CACNB4: variants seen among roughly 807,000 people sequenced by gnomAD.
The protein encoded by CACNB4 is voltage-dependent L-type calcium channel subunit beta-4.
In CACNB4, 32 loss-of-function variants were observed where a neutral mutation model predicts 71.2. The ratio of observed to expected loss-of-function variants is 0.45; its 90% CI spans 0.34 to 0.60. The LOEUF is 0.60. Among genes scored for constraint, CACNB4 ranks in the 20% least tolerant of loss-of-function variants. CACNB4 has a pLI of 0.01. For synonymous variants in CACNB4, 231 were observed against 236.9 expected (o/e 0.97, Z 0.23); for missense variants, 464 against 647.9 (o/e 0.72, Z 3.08).
At chr2:152,004,243 T>A (rs892889381) in intron 2 of CACNB4, among the ~76,000 whole-genome samples, 1 of 152,248 alleles carries the variant, frequency 6.6e-6, no homozygotes. Flanking sequence ...TTTATTTCCC[T>A]CTGAATGAAC....
intron 9 of CACNB4, chr2:151,866,664 CCTT>C (rs2099843214): frequency 6.6e-6 from 1 of 152,218 alleles, no homozygotes; most frequent in Non-Finnish European, 1.5e-5. Context: ...CCAAGGAACT[CCTT>C]ATTGTTCATT....
At chr2:152,041,411 G>T (rs1684867040) in intron 2 of CACNB4, among the ~76,000 whole-genome samples, 1 of 152,140 alleles carries the variant, frequency 6.6e-6, no homozygotes, top group Non-Finnish European at 1.5e-5. Flanking sequence ...CTGTAATGGG[G>T]GCTATAAATT....
chr2:152,020,173 TAAG>T (rs1683574380), intron 2 of CACNB4, among the ~76,000 whole-genome samples: 1 of 152,214 alleles, frequency 6.6e-6, no homozygotes. Context: ...CTTTGCAGAC[TAAG>T]AAGTACCCAA....
intron 2 of CACNB4, among the ~76,000 whole-genome samples, chr2:152,070,029 G>C (rs145945176): frequency 6.6e-6 from 1 of 151,772 alleles, no homozygotes; most frequent in Non-Finnish European, 1.5e-5. Flanking sequence ...ATTTTTATTA[G>C]AGACAGGGTT....
chr2:151,875,989 C>T (rs2099846112), intron 5 of CACNB4, among the ~76,000 whole-genome samples: 1 of 146,594 alleles, frequency 6.8e-6, no homozygotes, highest in Non-Finnish European at 1.5e-5. Context: ...CCCCCACCTC[C>T]CTCCCGGACG....
Position 152,098,579 on chromosome 2 carries a change from C to CCCCCCCAACAA in CACNB4, c.64-167_64-166insTTGTTGGGGGG. The stretch of plus-strand genomic sequence containing the variant: ...CCCAAATACAGCCCCCACCCCCACC[C>CCCCCCCAACAA]ACCCACTGCAAGCCTCGACTGCTGA... On this transcript the variant is annotated intron_variant, in intron 1 of 13. Transcript: ENST00000539935. The surrounding 1 kb of genome is among the most constrained non-coding windows in gnomAD (Gnocchi z 5.3). 5 of 943,710 alleles carry CCCCCCCAACAA rather than the reference C, an allele frequency of 5.3e-6. No individual in the cohort carries two copies. Among genetic ancestry groups the CCCCCCCAACAA allele is most frequent in the Non-Finnish European group, 8.5e-6 (5 of 591,324 alleles). The allele number at this position is 943,710 out of a possible 1,614,324, so 58.5% of individuals were successfully genotyped here.
At chr2:151,989,592 C>T (rs1681572138) in intron 2 of CACNB4, among the ~76,000 whole-genome samples, 1 of 152,164 alleles carries the variant, frequency 6.6e-6, no homozygotes, top group South Asian at 2.1e-4. Context: ...CACCCTCTGG[C>T]CACCTCTCAA....
intron 2 of CACNB4, among the ~76,000 whole-genome samples, chr2:151,923,108 G>A (rs575610123): frequency 6.6e-6 from 1 of 152,354 alleles, no homozygotes; most frequent in East Asian, 1.9e-4. Context: ...GAAATGGAGA[G>A]CACATGAAAG....
At chr2:151,988,900 T>C (rs1681527593) in intron 2 of CACNB4, among the ~76,000 whole-genome samples, 1 of 152,124 alleles carries the variant, frequency 6.6e-6, no homozygotes, top group African/African-American at 2.4e-5. Flanking sequence ...CCCTTCCATA[T>C]CTATTATGAG....
At chr2:151,918,162 T>G (rs1249835271) in intron 2 of CACNB4, among the ~76,000 whole-genome samples, 2 of 152,198 alleles carry the variant, frequency 1.3e-5, no homozygotes, top group African/African-American at 2.4e-5. Flanking sequence ...TATGAAGGCA[T>G]TGCCCATGCT....
intron 2 of CACNB4, among the ~76,000 whole-genome samples, chr2:151,961,869 G>A (rs1236561403): frequency 6.6e-6 from 1 of 150,388 alleles, no homozygotes; most frequent in African/African-American, 2.5e-5. Context: ...TCCAGACTGG[G>A]CAACAGAGGA....
chr2:151,955,674 G>A (rs938116678), intron 2 of CACNB4, among the ~76,000 whole-genome samples: 4 of 152,058 alleles, frequency 2.6e-5, no homozygotes, highest in Admixed American at 2.6e-4. Flanking sequence ...GGGAGGCTGA[G>A]GTGGGAGGCT....
chr2:152,097,710 A>G (rs1688348853), intron 2 of CACNB4, among the ~76,000 whole-genome samples: 1 of 152,218 alleles, frequency 6.6e-6, no homozygotes, highest in Admixed American at 6.5e-5. Flanking sequence ...CACGAAGTGA[A>G]GGCGCACCCA....
chr2:151,950,106 G>C (rs947045210), intron 2 of CACNB4, among the ~76,000 whole-genome samples: 2 of 151,870 alleles, frequency 1.3e-5, no homozygotes, highest in Non-Finnish European at 2.9e-5. Context: ...ACCACCCCAA[G>C]AGAAGGACTG....
chr2:152,076,948 G>A (rs1687062827), intron 2 of CACNB4, among the ~76,000 whole-genome samples: 2 of 152,242 alleles, frequency 1.3e-5, no homozygotes, highest in South Asian at 4.1e-4. Flanking sequence ...GTGACAGAGA[G>A]TAAGCAGGGA....
At position 152,056,223 on chromosome 2, in the gene CACNB4, A is replaced by T. The variant is rs921442352; in HGVS notation, c.147+42107T>A. 2.6e-5 allele frequency among the ~76,000 whole-genome samples: 4 copies of T among 151,910 alleles called. No individual in the cohort carries two copies. In the East Asian group the frequency reaches 7.7e-4, roughly 29 times the overall value. On this transcript the variant is annotated intron_variant, in intron 2 of 13. Transcript: ENST00000539935. ...TAAAAATACAAAAAATTAGCCAGGC[A>T]TGGTGGCAGGGCCTGTAGTCCCAGC...
chr2:151,996,333 T>C (rs1276138623), intron 2 of CACNB4, among the ~76,000 whole-genome samples: 2 of 152,192 alleles, frequency 1.3e-5, no homozygotes, highest in Non-Finnish European at 2.9e-5. Flanking sequence ...ATATACTGCT[T>C]AGACAACCAA....
At chr2:151,948,451 G>T (rs919418116) in intron 2 of CACNB4, among the ~76,000 whole-genome samples, 15 of 152,236 alleles carry the variant, frequency 9.9e-5, no homozygotes, top group African/African-American at 3.6e-4. Flanking sequence ...GTTGAGCCCA[G>T]GAGTTTGAGA....
intron 2 of CACNB4, among the ~76,000 whole-genome samples, chr2:151,984,088 G>A (rs993798413): frequency 3.3e-5 from 5 of 152,054 alleles, no homozygotes; most frequent in Non-Finnish European, 7.4e-5. Flanking sequence ...ATAACCAGTC[G>A]GTCCAGAGCT....
Sources: gnomAD v4.1 joint callset for allele counts (sites outside exome capture counted in the v4.1 genomes callset) on GRCh38, gnomAD v4.1.1 for gene constraint, Gnocchi (gnomAD v3.1) non-coding constraint, MANE v1.5 for transcripts, NCBI Gene and HGNC (gene_info 2026-07-23, HGNC 2026-07-21) for gene names.